Variants in ZNF723 observed in about 807,000 individuals in gnomAD.
ZNF723 encodes zinc finger protein 723.
In ZNF723, 5 loss-of-function variants were observed where a neutral mutation model predicts 9.4. That is an observed-to-expected ratio of 0.53 (90% CI 0.28 to 1.12). The LOEUF (loss-of-function observed/expected upper bound fraction) is 1.12. ZNF723 is among the 50% of genes most tolerant of loss of function. ZNF723 has a pLI of 0.10. For missense variants in ZNF723, 450 were observed against 501.5 expected (o/e 0.90, Z 0.98); for synonymous variants, 158 against 168.8 (o/e 0.94, Z 0.49).
At chr19:22,829,355 C>T (rs1164064591), upstream of ZNF723, among the ~76,000 whole-genome samples, 5 of 150,954 alleles carry the variant, frequency 3.3e-5, no homozygotes, top group Admixed American at 6.6e-5. Context: ...GCGAGATTTC[C>T]GTGCACTACA....
At chr19:22,849,341 G>C in intron 3 of ZNF723, 48 bp downstream of exon 3, 1 of 505,734 alleles carries the variant, frequency 2.0e-6, no homozygotes, top group Non-Finnish European at 3.6e-6. Context: ...GACGTCCAAA[G>C]GTCAAGGAGA....
At chr19:22,856,161 A>G (rs958256484) in intron 3 of ZNF723, among the ~76,000 whole-genome samples, 4 of 152,074 alleles carry the variant, frequency 2.6e-5, no homozygotes, top group African/African-American at 7.2e-5. Context: ...AGGTTTCACC[A>G]TGTTAGCCAG....
the ZNF723 span, among the ~76,000 whole-genome samples, chr19:22,816,838 A>T: frequency 2.0e-5 from 3 of 152,184 alleles, no homozygotes; most frequent in Non-Finnish European, 1.5e-5. Context: ...AGGTGATATG[A>T]TCCTCCAGCC....
chr19:22,845,632 A>G (rs1392052505), intron 1 of ZNF723, among the ~76,000 whole-genome samples: 4 of 152,092 alleles, frequency 2.6e-5, no homozygotes, highest in Non-Finnish European at 4.4e-5. Context: ...GGGCACCTAA[A>G]GAGAGGAAAG....
the ZNF723 span, among the ~76,000 whole-genome samples, chr19:22,819,454 T>C: frequency 6.6e-6 from 1 of 152,184 alleles, no homozygotes; most frequent in East Asian, 1.9e-4. Flanking sequence ...TTATGACATA[T>C]CTTTAGGCCC....
upstream of ZNF723, among the ~76,000 whole-genome samples, chr19:22,831,886 C>T (rs1360486222): frequency 6.6e-6 from 1 of 150,432 alleles, no homozygotes; most frequent in African/African-American, 2.4e-5. Flanking sequence ...CCATCCTGGG[C>T]GACAAGAGCG....
In ZNF723 at chr19:22,849,125, T is replaced by C. The variant is rs1967356711; in HGVS notation, c.131-73T>C. ...GGATGAATATACTAGAATATTCTAT[T>C]ATGTTCTCTTTACTGAGCACATTAT... On this transcript the variant is annotated intron_variant, in intron 2 of 3. Transcript: ENST00000600766. 6.3e-6 allele frequency: 3 copies of C among 474,164 alleles called. No homozygotes were observed. In the Admixed American group the frequency reaches 1.0e-4, roughly 16 times the overall value. The allele number at this position is 474,164 out of a possible 1,614,324, so 29.4% of individuals were successfully genotyped here. A position where few individuals can be genotyped will look rare whatever the true frequency, so the allele number is the denominator to read the frequency against.
chr19:22,857,609 G>T lies in ZNF723; in HGVS notation c.718G>T (p.Val240Leu), dbSNP rs12978254. 38 of 1,302,158 alleles carry T rather than the reference G, an allele frequency of 2.9e-5. No homozygotes were observed. In the Admixed American group the frequency reaches 4.2e-4, roughly 15 times the overall value. 80.7% of individuals were successfully genotyped at this position (1,302,158 alleles called of 1,614,324 possible). Reference protein sequence around the residue: ...KCEECGKAFNVSSSLNNHKRI... With the variant: ...KCEECGKAFNLSSSLNNHKRI... Reference sequence around the variant, plus strand: ...TGAAGAATGTGGCAAAGCCTTTAATGTGTCCTCAAGCCTTAATAATCATAA... The same window carrying T: ...TGAAGAATGTGGCAAAGCCTTTAATTTGTCCTCAAGCCTTAATAATCATAA... The change falls in exon 4 of 4, where the codon GTG becomes TTG. Residue 240 changes from valine (V) to leucine (L), a missense_variant. By Grantham distance (32) the Val-to-Leu change is conservative (BLOSUM62 1). This residue lies in a region of ZNF723 where 237 missense variants were observed against 332.2 expected (regional missense o/e 0.71). Transcript: ENST00000600766.
chr19:22,834,955 T>C (rs1288915221), intron 1 of ZNF723, among the ~76,000 whole-genome samples: 1 of 150,598 alleles, frequency 6.6e-6, no homozygotes, highest in Non-Finnish European at 1.5e-5. Flanking sequence ...TCAGAGGGGG[T>C]CATTGAGCAT....
chr19:22,851,225 G>C (rs548440029), intron 3 of ZNF723, among the ~76,000 whole-genome samples: 1 of 151,736 alleles, frequency 6.6e-6, no homozygotes, highest in Non-Finnish European at 1.5e-5. Flanking sequence ...AGGCTGGAGC[G>C]CGGTGGCACG....
chr19:22,842,433 T>C (rs1967259863), intron 1 of ZNF723, among the ~76,000 whole-genome samples: 1 of 152,172 alleles, frequency 6.6e-6, no homozygotes, highest in African/African-American at 2.4e-5. Context: ...ATCCAATCAA[T>C]AATCAATGTC....
Position 22,841,892 on chromosome 19 carries a change from G to T in ZNF723, c.4-6369G>T, listed in dbSNP as rs1781836460. On this transcript the variant is annotated intron_variant, in intron 1 of 3. Transcript: ENST00000600766. ...TTGAGATCTGGGAACCAAAAAAAAA[G>T]AAAAAAACAAACCTTTCATCTGAGG... is the stretch of plus-strand genomic sequence containing the variant. Among the ~76,000 whole-genome samples the T allele has an allele frequency of 2.0e-5, 3 of 151,930 alleles. No homozygotes were observed. The South Asian group carries it at 6.2e-4, about 32-fold the overall frequency.
the ZNF723 span, among the ~76,000 whole-genome samples, chr19:22,824,140 G>A: frequency 6.6e-6 from 1 of 152,146 alleles, no homozygotes; most frequent in Non-Finnish European, 1.5e-5. Flanking sequence ...CCTGCTAACC[G>A]TGGGAATTAC....
Position 22,858,458 on chromosome 19 carries a change from CTT to C in ZNF723, c.*30_*31del. On this transcript the variant is annotated 3_prime_UTR_variant, in exon 4 of 4. Coordinates refer to ENST00000600766, the MANE Select transcript of ZNF723 (RefSeq NM_001349726.2). ...ACAATGCTTTTTATGAAATCCCAAA[CTT>C]TTTTAAACATAAAAGAAATGCTGGT... 1.6e-6 allele frequency: 1 copy of C among 642,790 alleles called. No homozygotes were observed. Among genetic ancestry groups the C allele is most frequent in the East Asian group, 2.7e-5 (1 of 36,722 alleles). The allele number at this position is 642,790 out of a possible 1,614,324, so 39.8% of individuals were successfully genotyped here.
intron 3 of ZNF723, among the ~76,000 whole-genome samples, chr19:22,849,824 G>T (rs1280206447): frequency 6.6e-6 from 1 of 152,052 alleles, no homozygotes; most frequent in Non-Finnish European, 1.5e-5. Flanking sequence ...CAGGAGAATC[G>T]CTTGAATTAA....
chr19:22,854,356 C>G (rs78410994), intron 3 of ZNF723, among the ~76,000 whole-genome samples: 1 of 151,924 alleles, frequency 6.6e-6, no homozygotes, highest in Non-Finnish European at 1.5e-5. Flanking sequence ...TGTGTATGTC[C>G]GTCTTGCCAC....
chr19:22,832,837 C>G (rs1967115083), intron 1 of ZNF723, among the ~76,000 whole-genome samples: 1 of 152,130 alleles, frequency 6.6e-6, no homozygotes, highest in Non-Finnish European at 1.5e-5. Context: ...TAGAGCACCC[C>G]TATGGGTTGT....
chr19:22,849,769 C>T (rs758136422), intron 3 of ZNF723, among the ~76,000 whole-genome samples: 29 of 151,952 alleles, frequency 1.9e-4, no homozygotes, highest in Non-Finnish European at 3.5e-4. Flanking sequence ...ATTTGTTGCT[C>T]GTGGTGGCGC....
chr19:22,827,648 C>A (rs2145197240), upstream of ZNF723, among the ~76,000 whole-genome samples: 1 of 152,152 alleles, frequency 6.6e-6, no homozygotes, highest in African/African-American at 2.4e-5. Flanking sequence ...AGAATTTCAC[C>A]ATGTTGGCCA....
Sources: gnomAD v4.1 joint callset for allele counts (sites outside exome capture counted in the v4.1 genomes callset) on GRCh38, gnomAD v4.1.1 for gene constraint, gnomAD v4.1.1 regional missense constraint, MANE v1.5 for transcripts, NCBI Gene and HGNC (gene_info 2026-07-23, HGNC 2026-07-21) for gene names.